NBPF14: variants seen among roughly 807,000 people sequenced by gnomAD.
NBPF14 encodes the protein NBPF family member NBPF14.
Under a neutral mutation model 91.2 loss-of-function variants are expected in NBPF14, and 104 were observed. The ratio of observed to expected loss-of-function variants is 1.14; its 90% CI spans 0.97 to 1.34. The LOEUF (loss-of-function observed/expected upper bound fraction) is 1.34, where lower values mean the gene tolerates loss of function less well. Among genes scored for constraint, NBPF14 ranks in the 40% most tolerant of loss-of-function variants. The probability of loss-of-function intolerance (pLI) is 0.00; values close to 1 mark genes in which losing one functional copy is unlikely to be tolerated. For missense variants in NBPF14, 908 were observed against 783.0 expected (o/e 1.16, Z -1.91); for synonymous variants, 294 against 303.8 (o/e 0.97, Z 0.34).
intron 14 of NBPF14, among the ~76,000 whole-genome samples, chr1:148,577,659 T>C (rs1423825775): frequency 1.3e-5 from 2 of 148,640 alleles, no homozygotes; most frequent in Non-Finnish European, 3.0e-5. Context: ...GTATTTGTGC[T>C]CTCAGGACAC....
chr1:148,566,370 G>T, intron 28 of NBPF14, 55 bp from the exon 29 acceptor site: 3 of 749,736 alleles, frequency 4.0e-6, no homozygotes, highest in South Asian at 2.8e-5. Flanking sequence ...ACACAACAGA[G>T]CCTCAACTAG....
At chr1:148,566,056 G>A in intron 29 of NBPF14, 87 bp downstream of exon 29, 1 of 317,308 alleles carries the variant, frequency 3.2e-6, no homozygotes, top group Non-Finnish European at 5.4e-6. Context: ...ACATCTCTCA[G>A]CTCAGTAATG....
chr1:148,534,252 T>G (rs1486741383), intron 69 of NBPF14, among the ~76,000 whole-genome samples: 5 of 151,548 alleles, frequency 3.3e-5, no homozygotes, highest in African/African-American at 1.2e-4. Flanking sequence ...CCAATCAACG[T>G]AAAGCAAATA....
At chr1:148,533,167 C>T (rs781809359) in exon 71 of NBPF14, 2 of 704,088 alleles carry the variant, frequency 2.8e-6, no homozygotes, top group East Asian at 5.6e-5. Flanking sequence ...GTTCAAAGTA[C>T]ATTGACGGAG....
At chr1:148,557,181 C>A (rs1656758929) in intron 40 of NBPF14, among the ~76,000 whole-genome samples, 2 of 95,400 alleles carry the variant, frequency 2.1e-5, no homozygotes, top group Non-Finnish European at 3.7e-5. Flanking sequence ...TCAGGACACA[C>A]AGCATACAGG....
chr1:148,578,084 A>G, intron 13 of NBPF14, 50 bp from the exon 14 acceptor site: 1 of 633,844 alleles, frequency 1.6e-6, no homozygotes, highest in Non-Finnish European at 2.8e-6. Context: ...TTCCTTGCAC[A>G]CAGAAACATT....
At chr1:148,559,861 C>G in exon 37 of NBPF14, 1 of 1,499,160 alleles carries the variant, frequency 6.7e-7, no homozygotes, top group Non-Finnish European at 9.0e-7. Flanking sequence ...ATAGGGCTGG[C>G]ATGAGTCAGT....
At chr1:148,535,992 G>C (rs1433617656) in intron 67 of NBPF14, among the ~76,000 whole-genome samples, 1 of 150,720 alleles carries the variant, frequency 6.6e-6, no homozygotes. Flanking sequence ...CTTGAGAGTA[G>C]GATTAGGGCG....
intron 34 of NBPF14, among the ~76,000 whole-genome samples, 164 bp from the exon 35 acceptor site, chr1:148,561,743 C>A: frequency 9.0e-6 from 1 of 111,624 alleles, no homozygotes; most frequent in African/African-American, 5.7e-5. Context: ...AGAACAGGGC[C>A]AAATGGAAAA....
At chr1:148,534,637 C>T (rs1453050452) in intron 69 of NBPF14, 47 bp downstream of exon 69, 11 of 883,884 alleles carry the variant, frequency 1.2e-5, no homozygotes, top group Admixed American at 1.7e-5. Flanking sequence ...TCACCCCTAT[C>T]TGGAAGACCA....
intron 6 of NBPF14, among the ~76,000 whole-genome samples, chr1:148,589,719 T>C (rs1347953772): frequency 7.8e-6 from 1 of 128,570 alleles, no homozygotes; most frequent in East Asian, 2.2e-4. Context: ...CTTTTTTAAT[T>C]TTTTTCTTTT....
At chr1:148,594,019 C>A (rs1662917852) in intron 2 of NBPF14, among the ~76,000 whole-genome samples, 1 of 148,902 alleles carries the variant, frequency 6.7e-6, no homozygotes, top group Admixed American at 6.7e-5. Flanking sequence ...CCAAGCCTTG[C>A]AGCCTCTCCT....
intron 14 of NBPF14, among the ~76,000 whole-genome samples, chr1:148,577,649 G>T (rs1409614585): frequency 6.7e-6 from 1 of 148,958 alleles, no homozygotes; most frequent in Non-Finnish European, 1.5e-5. Flanking sequence ...AGGACACTCT[G>T]TATTTGTGCT....
intron 2 of NBPF14, among the ~76,000 whole-genome samples, chr1:148,595,258 G>C (rs1255319677): frequency 6.8e-6 from 1 of 147,930 alleles, no homozygotes; most frequent in Non-Finnish European, 1.5e-5. Flanking sequence ...TTGAAAACAC[G>C]ATTGAGCCCC....
chr1:148,566,117 T>G (rs1372621988), intron 29 of NBPF14, 26 bp downstream of exon 29: 4 of 464,480 alleles, frequency 8.6e-6, no homozygotes, highest in East Asian at 7.8e-5. Flanking sequence ...AGTGGATCCT[T>G]ATCACCTTCA....
chr1:148,561,339 G>A, intron 35 of NBPF14, 68 bp downstream of exon 35: 2 of 208,996 alleles, frequency 9.6e-6, no homozygotes, highest in Non-Finnish European at 1.6e-5. Flanking sequence ...TGGCCACTTG[G>A]AGCAGGAATA....
intron 2 of NBPF14, among the ~76,000 whole-genome samples, chr1:148,594,943 G>A (rs1462972572): frequency 1.9e-4 from 23 of 118,380 alleles, no homozygotes; most frequent in African/African-American, 6.6e-4. Context: ...TGCTCTGCCC[G>A]CCTCAGCCTC....
In NBPF14 at chr1:148,587,373, A is replaced by C. The variant is rs1473095213; in HGVS notation, c.1019T>G (p.Phe340Cys). The C allele has an allele frequency of 1.6e-5, 25 of 1,581,966 alleles. 4 individuals carry two copies. In the Middle Eastern group the frequency reaches 9.0e-4, roughly 57 times the overall value. The stretch of plus-strand genomic sequence containing the variant: ...GAACTGTCGCTCATTCCTCAGCATA[A>C]ATTTTATGAGGTCTTTGCACTCTTC... Residue 340 changes from phenylalanine to cysteine, a missense_variant, in exon 8 of 71, where the codon TTT (phenylalanine) becomes TGT (cysteine). Physicochemically the swap from Phe to Cys is radical, Grantham distance 205 (BLOSUM62 -2). Transcript: ENST00000619423.
intron 28 of NBPF14, among the ~76,000 whole-genome samples, chr1:148,566,524 CACACACACACACACACAA>C (rs1570961190): frequency 6.2e-5 from 8 of 128,306 alleles, no homozygotes; most frequent in East Asian, 4.8e-4. Flanking sequence ...CACACACACA[CACACACACACACACACAA>C]ACACACACAC....
Sources: gnomAD v4.1 joint callset for allele counts (sites outside exome capture counted in the v4.1 genomes callset) on GRCh38, gnomAD v4.1.1 for gene constraint, MANE v1.5 for transcripts, NCBI Gene and HGNC (gene_info 2026-07-23, HGNC 2026-07-21) for gene names.